The following LIPH variants were observed in gnomAD, a reference collection of about 807,000 sequenced individuals.
The protein encoded by LIPH is lipase member H.
LIPH carries 32 observed loss-of-function variants against 47.6 expected under a neutral mutation model. The ratio of observed to expected loss-of-function variants is 0.67; its 90% CI spans 0.51 to 0.90. The LOEUF is 0.90. Ranked by LOEUF, LIPH falls within the 40% of genes least tolerant of loss-of-function variation. The pLI, the probability that LIPH is intolerant of heterozygous loss-of-function variation, is 0.00. For missense variants in LIPH, 497 were observed against 541.4 expected, an observed-to-expected ratio of 0.92 and a Z score of 0.81; for synonymous variants, 190 against 195.6, an observed-to-expected ratio of 0.97 and a Z score of 0.24.
chr3:185,530,048 C>G (rs1720288093), intron 3 of LIPH, among the ~76,000 whole-genome samples: 1 of 152,034 alleles, frequency 6.6e-6, no homozygotes, highest in Non-Finnish European at 1.5e-5. Flanking sequence ...GTCCTAGCTA[C>G]TTGAGGTGGT....
chr3:185,538,319 T>G (rs1179435971), intron 1 of LIPH, among the ~76,000 whole-genome samples: 1 of 152,222 alleles, frequency 6.6e-6, no homozygotes, highest in Non-Finnish European at 1.5e-5. Flanking sequence ...GGTGGCATTT[T>G]AGAGGAAGAA....
chr3:185,545,569 G>T (rs1720844889), intron 1 of LIPH, among the ~76,000 whole-genome samples: 2 of 152,110 alleles, frequency 1.3e-5, no homozygotes, highest in Non-Finnish European at 2.9e-5. Context: ...GAAAATGTTT[G>T]CCAACCCTAG....
chr3:185,528,352 A>AAGAAAGAAAGAAAG (rs1264841985), intron 3 of LIPH, among the ~76,000 whole-genome samples: 2 of 151,846 alleles, frequency 1.3e-5, no homozygotes, highest in African/African-American at 4.8e-5. Flanking sequence ...GAAAGAAAGA[A>AAGAAAGAAAGAAAG]AGAAAGCGCT....
intron 9 of LIPH, among the ~76,000 whole-genome samples, chr3:185,510,286 A>G (rs1198708110): frequency 1.3e-5 from 2 of 152,126 alleles, no homozygotes; most frequent in African/African-American, 4.8e-5. Flanking sequence ...CAAAGTACTA[A>G]CTACTCACAT....
At chr3:185,533,914 A>T (rs910251877) in intron 2 of LIPH, among the ~76,000 whole-genome samples, 3 of 152,190 alleles carry the variant, frequency 2.0e-5, no homozygotes, top group Admixed American at 2.0e-4. Context: ...CTGGGGAGAG[A>T]GCAGAGCAGG....
intron 8 of LIPH, among the ~76,000 whole-genome samples, chr3:185,513,426 A>G (rs1410882001): frequency 2.6e-5 from 4 of 152,198 alleles, no homozygotes; most frequent in African/African-American, 7.2e-5. Context: ...ATAATAGAAC[A>G]TAACAAATAT....
chr3:185,510,767 G>A (rs1408675203), intron 9 of LIPH, among the ~76,000 whole-genome samples: 1 of 152,112 alleles, frequency 6.6e-6, no homozygotes, highest in African/African-American at 2.4e-5. Context: ...AAAATTAGCT[G>A]GGTGTGGTGG....
intron 1 of LIPH, chr3:185,547,033 G>A (rs1283535695): frequency 2.6e-6 from 1 of 388,472 alleles, no homozygotes; most frequent in Admixed American, 3.5e-5. Context: ...TTCTACGATA[G>A]TCAATAAGCA....
chr3:185,533,065 G>T (rs1217628232), intron 3 of LIPH, among the ~76,000 whole-genome samples: 2 of 152,142 alleles, frequency 1.3e-5, no homozygotes, highest in Non-Finnish European at 2.9e-5. Context: ...TCCAGCAAAG[G>T]AGTCTTTGTT....
In LIPH at chr3:185,511,636, G is replaced by C; in HGVS notation, c.1156C>G (p.Leu386Val). The C allele has an allele frequency of 1.9e-6, 3 of 1,613,378 alleles. No homozygotes were observed. Among genetic ancestry groups the C allele is most frequent in the Non-Finnish European group, 2.5e-6 (3 of 1,179,372 alleles). Residue 386 changes from leucine to valine, a missense_variant, in exon 9 of 10, where the codon CTG becomes GTG. By Grantham distance (32) the Leu-to-Val change is conservative. Transcript: ENST00000296252. The part of the protein sequence containing the change: ...VSLLARFNQD[L>V]DKVAAISLMF... ...AAGGAAATTGCAGCCACTTTATCCAGATCTTGATTAAATCTTGCAAGTAGA... is the reference window on the plus strand; with the variant it reads ...AAGGAAATTGCAGCCACTTTATCCACATCTTGATTAAATCTTGCAAGTAGA...
intron 5 of LIPH, among the ~76,000 whole-genome samples, chr3:185,522,957 G>T (rs1470556569): frequency 1.3e-5 from 2 of 152,012 alleles, no homozygotes; most frequent in Non-Finnish European, 2.9e-5. Context: ...AAATAAATTG[G>T]CATCATATTA....
chr3:185,546,516 C>T (rs1021837221), intron 1 of LIPH, among the ~76,000 whole-genome samples: 2 of 151,978 alleles, frequency 1.3e-5, no homozygotes, highest in African/African-American at 4.8e-5. Flanking sequence ...AAAAAATTTC[C>T]CACTGGGTGC....
chr3:185,543,046 TA>T (rs1400584408), intron 1 of LIPH, among the ~76,000 whole-genome samples: 4 of 151,756 alleles, frequency 2.6e-5, no homozygotes, highest in Non-Finnish European at 5.9e-5. Context: ...CCGTCTCTAC[TA>T]AAAATACAAA....
chr3:185,528,588 C>T lies in LIPH; in HGVS notation c.527-1003G>A, dbSNP rs191901761. Reference sequence around the variant, plus strand: ...ATCAGAACACAGCCTCTTAATGCAACCACTTCTATCTGTTGAACTCTTGGT... The same window carrying T: ...ATCAGAACACAGCCTCTTAATGCAATCACTTCTATCTGTTGAACTCTTGGT... On this transcript the variant is annotated intron_variant, in intron 3 of 9. Coordinates refer to ENST00000296252, the MANE Select transcript of LIPH (RefSeq NM_139248.3). 1.9e-3 allele frequency among the ~76,000 whole-genome samples: 282 copies of T among 152,234 alleles called. 1 individual carries two copies. Among genetic ancestry groups the T allele is most frequent in the Non-Finnish European group, 2.2e-3 (148 of 68,024 alleles).
At chr3:185,533,752 C>A in intron 2 of LIPH, 73 bp from the exon 3 acceptor site, 1 of 1,009,422 alleles carries the variant, frequency 9.9e-7, no homozygotes, top group South Asian at 1.3e-5. Context: ...AATTTCCTGG[C>A]TGTTGACTTT....
At position 185,524,714 on chromosome 3, in the gene LIPH, G is replaced by A. The variant is rs916302419; in HGVS notation, c.629-554C>T. ...TCTGCCCGCCTCGGCCTCCCAAAGC[G>A]CTGGTATTACAGGCATGAGCCATTG... On this transcript the variant is annotated intron_variant, in intron 4 of 9. Transcript: ENST00000296252. 5.9e-5 allele frequency among the ~76,000 whole-genome samples: 9 copies of A among 152,186 alleles called. No individual in the cohort carries two copies. In the South Asian group the frequency reaches 6.2e-4, roughly 11 times the overall value.
In LIPH at chr3:185,533,589, A is replaced by G. The variant is rs1345347081; in HGVS notation, c.508T>C (p.Trp170Arg). Residue 170 changes from tryptophan to arginine, a missense_variant, in exon 3 of 10, where the codon TGG becomes CGG. Trp to Arg is a moderately radical substitution (Grantham distance 101). Transcript: ENST00000296252. Reference sequence around the variant, plus strand: ...CACTTACCTGTAATTCTCCCCAGCCATCCATCGTACATCTCTCCAACAAAC... The same window carrying G: ...CACTTACCTGTAATTCTCCCCAGCCGTCCATCGTACATCTCTCCAACAAAC... Reference protein sequence around the residue: ...SGFVGEMYDGWLGRITGLDPA... With the variant: ...SGFVGEMYDGRLGRITGLDPA... 1.2e-6 allele frequency: 2 copies of G among 1,612,686 alleles called. No individual in the cohort carries two copies. The highest frequency in any genetic ancestry group is 1.7e-6 in the Non-Finnish European group (2 of 1,178,722).
At chr3:185,548,515 G>A (rs566237704) in intron 1 of LIPH, among the ~76,000 whole-genome samples, 2 of 151,502 alleles carry the variant, frequency 1.3e-5, no homozygotes, top group African/African-American at 4.8e-5. Flanking sequence ...ATCACCTGAG[G>A]TCAGGAGTTC....
At chr3:185,519,836 CAAAAAAAAAAAAAAAAAAAA>C (rs145391972) in intron 5 of LIPH, among the ~76,000 whole-genome samples, 3 of 53,786 alleles carry the variant, frequency 5.6e-5, no homozygotes, top group Non-Finnish European at 9.0e-5. Flanking sequence ...CACTCCATCT[CAAAAAAAAAAAAAAAAAAAA>C]AAAAAAAAAA....
Sources: gnomAD v4.1 joint callset for allele counts (sites outside exome capture counted in the v4.1 genomes callset) on GRCh38, gnomAD v4.1.1 for gene constraint, MANE v1.5 for transcripts, NCBI Gene and HGNC (gene_info 2026-07-23, HGNC 2026-07-21) for gene names.